The following ZNF541 variants were observed in gnomAD, a reference collection of about 807,000 sequenced individuals.
The protein encoded by ZNF541 is zinc finger protein 541.
In ZNF541, 23 loss-of-function variants were observed where a neutral mutation model predicts 123.5. The observed-to-expected ratio is 0.19, with a 90% confidence interval of 0.13 to 0.26. The LOEUF (loss-of-function observed/expected upper bound fraction) is 0.26, where lower values mean the gene tolerates loss of function less well. Among genes scored for constraint, ZNF541 ranks in the 10% least tolerant of loss-of-function variants. The pLI, the probability that ZNF541 is intolerant of heterozygous loss-of-function variation, is 1.00. For missense variants in ZNF541, 1,612 were observed against 1,789.9 expected, an observed-to-expected ratio of 0.90 and a Z score of 1.79; for synonymous variants, 751 against 754.5, an observed-to-expected ratio of 1.00 and a Z score of 0.08.
In ZNF541 at chr19:47,544,290, C is replaced by T. The variant is rs1970210984; in HGVS notation, c.2239G>A (p.Gly747Ser). ...CSRGGGYRLL[G>S]NPRAPRFSGF... is the part of the protein sequence containing the mutation. ...GAGAATCGCGGGGCCCTGGGGTTGC[C>T]CAAGAGCCGGTAGCCTCCACCCCGG... The change falls in exon 5 of 17, where the codon GGC becomes AGC. Residue 747 changes from glycine to serine, a missense_variant. By Grantham distance (56) the Gly-to-Ser change is moderately conservative. Around this residue, in one of 5 missense-constraint regions of ZNF541, gnomAD observed 1,080 missense variants for 1,013.8 expected, o/e 1.07. Coordinates refer to ENST00000391901, the MANE Select transcript of ZNF541 (RefSeq NM_001277075.3). 4 of 1,551,590 alleles carry T rather than the reference C, an allele frequency of 2.6e-6. No individual in the cohort carries two copies. The highest frequency in any genetic ancestry group is 4.9e-5 in the East Asian group (2 of 40,910).
intron 3 of ZNF541, 61 bp downstream of exon 3, chr19:47,555,489 A>C: frequency 2.1e-6 from 3 of 1,458,454 alleles, no homozygotes; most frequent in Middle Eastern, 1.9e-4. Context: ...ATCAGTCCCT[A>C]GCTGGCCACA....
In ZNF541 at chr19:47,539,450, C is replaced by T. The variant is rs148512115; in HGVS notation, c.2796+255G>A. On this transcript the variant is annotated intron_variant, in intron 8 of 16. Coordinates refer to ENST00000391901, the MANE Select transcript of ZNF541 (RefSeq NM_001277075.3). ...GAGTAGCTGGGTTTACAGGTGCCTG[C>T]CACCATGCCCAGCTAATTTTTTTGT... Among the ~76,000 whole-genome samples the T allele has an allele frequency of 9.3e-3, 1,416 of 152,088 alleles. 34 individuals carry two copies. The highest frequency in any genetic ancestry group is 0.032 in the African/African-American group (1,321 of 41,472).
At chr19:47,534,042 A>T (rs1969705559) in intron 9 of ZNF541, among the ~76,000 whole-genome samples, 1 of 152,186 alleles carries the variant, frequency 6.6e-6, no homozygotes, top group Non-Finnish European at 1.5e-5. Flanking sequence ...TTCTCATCAT[A>T]GACAGAATAT....
chr19:47,531,797 G>A, intron 11 of ZNF541, 52 bp from the exon 12 acceptor site: 2 of 1,460,504 alleles, frequency 1.4e-6, no homozygotes, highest in Non-Finnish European at 9.3e-7. Context: ...GTCATCAGGT[G>A]CTAGGGAGGA....
chr19:47,556,851 A>G (rs577787128), intron 2 of ZNF541, among the ~76,000 whole-genome samples: 1 of 146,052 alleles, frequency 6.8e-6, no homozygotes, highest in South Asian at 2.1e-4. Context: ...TCTGCCTCCC[A>G]GGTTCAAGTG....
At position 47,544,918 on chromosome 19, in the gene ZNF541, G is replaced by A. The variant is rs1187049446; in HGVS notation, c.1611C>T (p.Leu537=). 1 of 1,535,938 alleles carries A rather than the reference G, an allele frequency of 6.5e-7. No individual in the cohort carries two copies. The highest frequency in any genetic ancestry group is 8.7e-7 in the Non-Finnish European group (1 of 1,146,786). Residue 537 remains leucine, a synonymous_variant, in exon 5 of 17, where the codon CTC becomes CTT. Transcript: ENST00000391901. ...GCGACTTGAGGAAGAGCTGGCGGAA[G>A]AGCGGCGAGGCATCCGCAGGGAGCC... ...AGGLPADASP[L]FRQLFLKSQE... is the part of the protein sequence containing the mutation.
In ZNF541 at chr19:47,520,817, G is replaced by A. The variant is rs1229424395; in HGVS notation, c.*407C>T. ...TCCCCGCCCCAGGGAGGGGCCCAGC[G>A]TGTTGGAGATCTCAAGGTTTTTTCC... On this transcript the variant is annotated 3_prime_UTR_variant, in exon 17 of 17. Coordinates refer to ENST00000391901, the MANE Select transcript of ZNF541 (RefSeq NM_001277075.3). 1.2e-5 allele frequency: 2 copies of A among 173,452 alleles called. No homozygotes were observed. The highest frequency in any genetic ancestry group is 3.1e-4 in the South Asian group (2 of 6,384). 10.7% of individuals were successfully genotyped at this position (173,452 alleles called of 1,614,324 possible). A position where few individuals can be genotyped will look rare whatever the true frequency, so the allele number is the denominator to read the frequency against.
At chr19:47,547,269 G>A (rs1236308321) in intron 4 of ZNF541, among the ~76,000 whole-genome samples, 1 of 152,028 alleles carries the variant, frequency 6.6e-6, no homozygotes, top group Non-Finnish European at 1.5e-5. Flanking sequence ...ACCCCCCACA[G>A]CAAAGAAGCC....
chr19:47,545,106 G>A lies in ZNF541; in HGVS notation c.1423C>T (p.Pro475Ser), dbSNP rs1213730149. 4.7e-6 allele frequency: 7 copies of A among 1,481,738 alleles called. No homozygotes were observed. The highest frequency in any genetic ancestry group is 1.4e-5 in the African/African-American group (1 of 71,272). 91.8% of individuals were successfully genotyped at this position (1,481,738 alleles called of 1,614,324 possible). A position where few individuals can be genotyped will look rare whatever the true frequency, so the allele number is the denominator to read the frequency against. The change falls in exon 5 of 17, where the codon CCT becomes TCT. Residue 475 changes from proline (P) to serine (S), a missense_variant. Transcript: ENST00000391901. This position sits in a 1 kb window ranked among gnomAD's most constrained non-coding sequence, Gnocchi z 7.5. ...GGGLEDALPF[P>S]AALLRVPAEA... Reference sequence around the variant, plus strand: ...GCGGGGACCCTGAGGAGCGCGGCAGGGAAGGGCAGAGCATCCTCCAGGCCA... The same window carrying A: ...GCGGGGACCCTGAGGAGCGCGGCAGAGAAGGGCAGAGCATCCTCCAGGCCA...
chr19:47,532,141 C>T lies in ZNF541; in HGVS notation c.3288G>A (p.Glu1096=). Residue 1096 remains glutamate, a synonymous_variant, in exon 11 of 17, where the codon GAG becomes GAA. Coordinates refer to ENST00000391901, the MANE Select transcript of ZNF541 (RefSeq NM_001277075.3). ...KPWGDMMISS[E]TQDRVTELCN... ...AGCCTCAGCCACCTCTATCCTGTGT[C>T]TCTGAGCTGATCATCATATCTCCCC... 6.4e-7 allele frequency: 1 copy of T among 1,551,766 alleles called. No individual in the cohort carries two copies. Among genetic ancestry groups the T allele is most frequent in the Non-Finnish European group, 8.7e-7 (1 of 1,147,000 alleles).
chr19:47,530,160 C>A (rs1326817313), intron 12 of ZNF541, among the ~76,000 whole-genome samples: 1 of 151,218 alleles, frequency 6.6e-6, no homozygotes, highest in East Asian at 1.9e-4. Flanking sequence ...AGCTAGCTAA[C>A]AATTTTCTTT....
chr19:47,546,771 GA>G (rs1395650408), intron 4 of ZNF541, among the ~76,000 whole-genome samples: 1 of 152,064 alleles, frequency 6.6e-6, no homozygotes, highest in Non-Finnish European at 1.5e-5. Context: ...ACCCAGGCTG[GA>G]GTGCAATGGC....
In ZNF541 at chr19:47,521,336, C is replaced by T. The variant is rs1254742866; in HGVS notation, c.3929G>A (p.Arg1310Gln). ...KIKSRNAHMK[R>Q]HRLQDHVEPI... ...CTCCACGTGGTCCTGAAGGCGGTGC[C>T]GCTTCATATGGGCATTTCGACTCTT... is the stretch of plus-strand genomic sequence containing the variant. The change falls in exon 17 of 17, where the codon CGG becomes CAG. Residue 1310 changes from arginine (R) to glutamine (Q), a missense_variant. This residue lies in a region of ZNF541 where 30 missense variants were observed against 48.9 expected (regional missense o/e 0.61). Transcript: ENST00000391901. The surrounding 1 kb of genome is among the most constrained non-coding windows in gnomAD (Gnocchi z 4.2). 9.7e-6 allele frequency: 15 copies of T among 1,551,588 alleles called. No individual in the cohort carries two copies. The highest frequency in any genetic ancestry group is 1.2e-5 in the South Asian group (1 of 84,062).
intron 2 of ZNF541, among the ~76,000 whole-genome samples, chr19:47,561,927 A>G (rs1971078397): frequency 6.6e-6 from 1 of 152,226 alleles, no homozygotes; most frequent in African/African-American, 2.4e-5. Context: ...TCCCATTCCC[A>G]GAGTTACCAG....
At chr19:47,525,862 G>A (rs1969265466) in intron 14 of ZNF541, among the ~76,000 whole-genome samples, 1 of 142,324 alleles carries the variant, frequency 7.0e-6, no homozygotes, top group East Asian at 2.2e-4. Flanking sequence ...CTTGCAGTGA[G>A]CCAAGATCTC....
At chr19:47,523,367 A>C (rs1180952771) in intron 14 of ZNF541, among the ~76,000 whole-genome samples, 3 of 149,326 alleles carry the variant, frequency 2.0e-5, no homozygotes, top group African/African-American at 7.6e-5. Flanking sequence ...AAAAAAGGAA[A>C]AGTTTAATTG....
intron 7 of ZNF541, 112 bp from the exon 8 acceptor site, chr19:47,539,990 G>A (rs1055259972): frequency 1.4e-6 from 2 of 1,463,822 alleles, no homozygotes; most frequent in African/African-American, 2.9e-5. Flanking sequence ...TCTGTGGCAT[G>A]GACCAAGCTG....
Position 47,538,261 on chromosome 19 carries a change from G to A in ZNF541, c.2975C>T (p.Ser992Phe), listed in dbSNP as rs994513103. ...DCLLKGLFQC[S>F]PYTPPPMLSP... is the part of the protein sequence containing the mutation. ...GAGCATTGGGGGTGGTGTGTAGGGG[G>A]AGCACTGGAATAAGCCCTTCAGGAG... The change falls in exon 9 of 17, where the codon TCC becomes TTC. Residue 992 changes from serine to phenylalanine, a missense_variant. Coordinates refer to ENST00000391901, the MANE Select transcript of ZNF541 (RefSeq NM_001277075.3). The A allele has an allele frequency of 3.9e-6, 6 of 1,551,466 alleles. No individual in the cohort carries two copies. The highest frequency in any genetic ancestry group is 2.0e-5 in the Admixed American group (1 of 50,954).
At chr19:47,530,815 TA>T (rs544286556) in intron 12 of ZNF541, among the ~76,000 whole-genome samples, 1 of 151,814 alleles carries the variant, frequency 6.6e-6, no homozygotes, top group South Asian at 2.1e-4. Flanking sequence ...CATGCCTGGC[TA>T]ATTTTTTTAT....
Sources: allele counts gnomAD v4.1 joint callset (sites outside exome capture counted in the v4.1 genomes callset), GRCh38; gene constraint gnomAD v4.1.1; regional missense constraint gnomAD v4.1.1; non-coding constraint Gnocchi (gnomAD v3.1); transcripts MANE v1.5; gene names NCBI Gene and HGNC (gene_info 2026-07-23, HGNC 2026-07-21).